The following PCDHA3 variants were observed in gnomAD, a reference collection of about 807,000 sequenced individuals.
The protein encoded by PCDHA3 is protocadherin alpha 3.
PCDHA3 carries 41 observed loss-of-function variants against 62.2 expected under a neutral mutation model. The observed-to-expected ratio is 0.66, with a 90% CI of 0.51 to 0.86. PCDHA3 has a LOEUF of 0.86. Ranked by LOEUF, PCDHA3 falls within the 40% of genes least tolerant of loss-of-function variation. PCDHA3 has a pLI of 0.00. For synonymous variants in PCDHA3, 640 were observed against 555.4 expected (o/e 1.15, Z -2.14); for missense variants, 1,304 against 1,241.2 (o/e 1.05, Z -0.76).
At chr5:140,937,911 CAAA>C (rs200797202) in intron 1 of PCDHA3, among the ~76,000 whole-genome samples, 2 of 117,898 alleles carry the variant, frequency 1.7e-5, no homozygotes, top group Non-Finnish European at 1.9e-5. Context: ...GACTCCGTCT[CAAA>C]AAAAAAAAAA....
At chr5:140,891,431 A>G (rs912407002) in intron 1 of PCDHA3, among the ~76,000 whole-genome samples, 1 of 143,446 alleles carries the variant, frequency 7.0e-6, no homozygotes, top group Non-Finnish European at 1.5e-5. Context: ...CAAGTCCCCA[A>G]CGTCCATTGT....
Position 141,009,690 on chromosome 5 carries a change from TTAAA to T in PCDHA3, c.2609_2612del (p.Lys870ThrfsTer44). On this transcript the variant is annotated frameshift_variant, in exon 4 of 4. Transcript: ENST00000522353. LOFTEE classifies it high-confidence loss of function. ...GGTGTCAACAGCAACAGCTGGACCT[TTAAA>T]TACGGACCAGGCAACCCCAAACAAT... 6.2e-7 allele frequency: 1 copy of T among 1,614,068 alleles called. No individual in the cohort carries two copies. Among genetic ancestry groups the T allele is most frequent in the Non-Finnish European group, 8.5e-7 (1 of 1,180,024 alleles).
chr5:140,824,159 C>T (rs1554129770), intron 1 of PCDHA3: 3 of 1,611,382 alleles, frequency 1.9e-6, no homozygotes, highest in Middle Eastern at 1.7e-4. Context: ...TCCATCTTTC[C>T]CTCCCAATTT....
intron 1 of PCDHA3, chr5:140,850,399 G>C: frequency 6.3e-7 from 1 of 1,597,978 alleles, no homozygotes; most frequent in Non-Finnish European, 8.6e-7. Flanking sequence ...AGCACAACGC[G>C]TGCCCTGGAC....
intron 1 of PCDHA3, chr5:140,813,268 ACATTCTGAGAATTGTAT>A (rs1765258439): frequency 6.6e-6 from 1 of 152,222 alleles, no homozygotes; most frequent in Non-Finnish European, 1.5e-5. Flanking sequence ...CATTGGAGAT[ACATTCTGAGAATTGTAT>A]CATTCTGAGA....
chr5:140,905,154 A>C (rs2071632233), intron 1 of PCDHA3, among the ~76,000 whole-genome samples: 1 of 152,040 alleles, frequency 6.6e-6, no homozygotes, highest in Admixed American at 6.6e-5. Context: ...ATATTTTAGA[A>C]TTTTCATGGT....
chr5:140,918,918 C>T (rs1338973615), intron 1 of PCDHA3, among the ~76,000 whole-genome samples: 1 of 152,224 alleles, frequency 6.6e-6, no homozygotes, highest in Non-Finnish European at 1.5e-5. Context: ...ATTAACTACA[C>T]AGCATATGGC....
At position 140,843,021 on chromosome 5, in the gene PCDHA3, A is replaced by C. The variant is rs2150350261; in HGVS notation, c.2394+39430A>C. 58 of 1,595,034 alleles carry C rather than the reference A, an allele frequency of 3.6e-5. 4 individuals are homozygous for C. The East Asian group carries it at 5.1e-4, about 14-fold the overall frequency. On this transcript the variant is annotated intron_variant, in intron 1 of 3. Coordinates refer to ENST00000522353, the MANE Select transcript of PCDHA3 (RefSeq NM_018906.3). Reference sequence around the variant, plus strand: ...AATGACAACGCGCCGGCACTGCTGGAGCCTCGGGTGGGTGGCACTGGTGGC... The same window carrying C: ...AATGACAACGCGCCGGCACTGCTGGCGCCTCGGGTGGGTGGCACTGGTGGC...
chr5:140,818,188 T>C (rs1766299764), intron 1 of PCDHA3, among the ~76,000 whole-genome samples: 1 of 152,248 alleles, frequency 6.6e-6, no homozygotes, highest in Non-Finnish European at 1.5e-5. Context: ...CTTCTGTGAC[T>C]ATAAGTACAT....
intron 1 of PCDHA3, chr5:140,884,015 C>T: frequency 6.2e-7 from 1 of 1,613,158 alleles, no homozygotes. Flanking sequence ...GCTGATGCCG[C>T]GGTCGGTGGG....
At chr5:140,967,159 G>A in intron 1 of PCDHA3, 2 of 1,610,752 alleles carry the variant, frequency 1.2e-6, no homozygotes, top group Non-Finnish European at 1.7e-6. Context: ...CCGTGGCGGT[G>A]AGCGCCGTTG....
intron 1 of PCDHA3, among the ~76,000 whole-genome samples, chr5:140,971,158 C>T (rs1554233066): frequency 6.6e-6 from 1 of 152,172 alleles, no homozygotes; most frequent in African/African-American, 2.4e-5. Context: ...AGGCCAGGCT[C>T]AGCTTTGCCA....
intron 1 of PCDHA3, chr5:140,870,813 C>A: frequency 3.7e-6 from 6 of 1,613,700 alleles, no homozygotes; most frequent in Non-Finnish European, 5.1e-6. Context: ...CTCAGGCTGG[C>A]AGCGCGGGAG....
At chr5:140,867,055 T>C (rs1177939308) in intron 1 of PCDHA3, 3 of 152,170 alleles carry the variant, frequency 2.0e-5, no homozygotes, top group African/African-American at 7.2e-5. Flanking sequence ...TGTTCAGTAC[T>C]ACTTTATATA....
chr5:141,005,662 A>G (rs2098227817), intron 3 of PCDHA3, among the ~76,000 whole-genome samples: 1 of 138,324 alleles, frequency 7.2e-6, no homozygotes, highest in East Asian at 2.2e-4. Context: ...AGATCGCGCC[A>G]CTGCACTCCA....
intron 1 of PCDHA3, among the ~76,000 whole-genome samples, chr5:140,891,739 C>T (rs1433506044): frequency 4.6e-5 from 7 of 152,116 alleles, no homozygotes; most frequent in Non-Finnish European, 2.9e-5. Flanking sequence ...AATTCAATCC[C>T]TTATACAACA....
chr5:140,837,077 TATAA>T (rs1774901335), intron 1 of PCDHA3: 1 of 173,054 alleles, frequency 5.8e-6, no homozygotes. Context: ...AATCAATACC[TATAA>T]ATGTTATAGT....
intron 1 of PCDHA3, among the ~76,000 whole-genome samples, chr5:140,943,172 C>T (rs1370908273): frequency 2.7e-5 from 4 of 148,068 alleles, no homozygotes; most frequent in African/African-American, 1.0e-4. Context: ...GCAGGAAAAT[C>T]GCTTGAACCC....
In PCDHA3 at chr5:140,834,653, C is replaced by G. The variant is rs2150223480; in HGVS notation, c.2394+31062C>G. The stretch of plus-strand genomic sequence containing the variant: ...GCATTTTGTTTGTGAATTCTCGGAT[C>G]GACCGCGAGGAGCTGTGCGGGCGGA... On this transcript the variant is annotated intron_variant, in intron 1 of 3. Coordinates refer to ENST00000522353, the MANE Select transcript of PCDHA3 (RefSeq NM_018906.3). 2.5e-6 allele frequency: 4 copies of G among 1,614,190 alleles called. No homozygotes were observed. In the East Asian group the frequency reaches 6.7e-5, roughly 27 times the overall value.
Sources: gnomAD v4.1 joint callset for allele counts (sites outside exome capture counted in the v4.1 genomes callset) on GRCh38, gnomAD v4.1.1 for gene constraint, MANE v1.5 for transcripts, NCBI Gene and HGNC (gene_info 2026-07-23, HGNC 2026-07-21) for gene names.